Variants in PHIP observed in about 807,000 individuals in gnomAD.
PHIP encodes the protein PH-interacting protein.
In PHIP, 54 loss-of-function variants were observed where a neutral mutation model predicts 236.8. The observed-to-expected ratio is 0.23, with a 90% CI of 0.18 to 0.29. The LOEUF (loss-of-function observed/expected upper bound fraction) is 0.29. PHIP is among the 10% of genes least tolerant of loss of function. The pLI, the probability that PHIP is intolerant of heterozygous loss-of-function variation, is 1.00. For synonymous variants in PHIP, 756 were observed against 718.9 expected, an observed-to-expected ratio of 1.05 and a Z score of -0.83; for missense variants, 1,370 against 2,190.8, an observed-to-expected ratio of 0.63 and a Z score of 7.48.
intron 7 of PHIP, among the ~76,000 whole-genome samples, chr6:79,036,985 T>C (rs1052104326): frequency 2.1e-5 from 3 of 143,250 alleles, no homozygotes. Flanking sequence ...CCTCTAAATA[T>C]CGCAGTGTAT....
chr6:78,949,685 A>C (rs1277774498), intron 35 of PHIP, among the ~76,000 whole-genome samples: 6 of 147,608 alleles, frequency 4.1e-5, no homozygotes, highest in Non-Finnish European at 6.0e-5. Context: ...ACTCTTTTTT[A>C]CTTTTTTTTT....
At chr6:79,057,111 TTTTAAG>T (rs2127769829) in intron 6 of PHIP, among the ~76,000 whole-genome samples, 1 of 152,242 alleles carries the variant, frequency 6.6e-6, no homozygotes, top group Admixed American at 6.5e-5. Context: ...TTTTAGGTAT[TTTTAAG>T]TTTGAGATGA....
At chr6:79,063,129 T>C (rs1773461671) in intron 4 of PHIP, among the ~76,000 whole-genome samples, 1 of 152,220 alleles carries the variant, frequency 6.6e-6, no homozygotes, top group Non-Finnish European at 1.5e-5. Context: ...TGGGGGTTCA[T>C]AAGACTCATG....
chr6:78,989,085 T>C (rs1253642188), intron 20 of PHIP, among the ~76,000 whole-genome samples: 3 of 118,244 alleles, frequency 2.5e-5, no homozygotes, highest in Non-Finnish European at 3.9e-5. Flanking sequence ...AATTTATACC[T>C]AAAAAACACA....
Position 78,989,245 on chromosome 6 carries a change from G to A in PHIP, c.2320-896C>T, listed in dbSNP as rs148432745. ...CTGGCCAGGGCAATGGCAATACCCT[G>A]TCTCTACAAAGTTAAAAAATAAAAT... On this transcript the variant is annotated intron_variant, in intron 20 of 39. Coordinates refer to ENST00000275034, the MANE Select transcript of PHIP (RefSeq NM_017934.7). Among the ~76,000 whole-genome samples, 424 of 152,142 alleles carry A rather than the reference G, an allele frequency of 2.8e-3. 2 individuals are homozygous for A. The highest frequency in any genetic ancestry group is 1.0e-2 in the African/African-American group (414 of 41,512).
At chr6:79,059,976 G>A (rs1336385984) in intron 6 of PHIP, among the ~76,000 whole-genome samples, 2 of 151,970 alleles carry the variant, frequency 1.3e-5, no homozygotes, top group Non-Finnish European at 2.9e-5. Flanking sequence ...GATTAGTTTG[G>A]ATGATGCTGT....
At chr6:79,001,006 GTTGA>G (rs1166179906) in intron 17 of PHIP, among the ~76,000 whole-genome samples, 1 of 151,988 alleles carries the variant, frequency 6.6e-6, no homozygotes, top group Non-Finnish European at 1.5e-5. Context: ...CACGTTTGAG[GTTGA>G]TTTTTTCTGT....
intron 15 of PHIP, among the ~76,000 whole-genome samples, chr6:79,004,925 AAG>A: frequency 6.6e-6 from 1 of 152,176 alleles, no homozygotes; most frequent in Admixed American, 6.5e-5. Flanking sequence ...TTTTGGTAAA[AAG>A]AGAAAATATT....
At chr6:79,042,185 A>G (rs756823733) in intron 7 of PHIP, among the ~76,000 whole-genome samples, 9 of 152,062 alleles carry the variant, frequency 5.9e-5, no homozygotes, top group Non-Finnish European at 1.0e-4. Context: ...TGAAAATCAA[A>G]TATTTCCAAA....
At chr6:78,962,188 G>A (rs1057336599) in intron 30 of PHIP, among the ~76,000 whole-genome samples, 2 of 152,024 alleles carry the variant, frequency 1.3e-5, no homozygotes, top group Admixed American at 1.3e-4. Context: ...TCTAACCTTT[G>A]ACTTTCTCAA....
chr6:79,026,048 C>A lies in PHIP; in HGVS notation c.717G>T (p.Met239Ile), dbSNP rs762492471. Residue 239 changes from methionine to isoleucine, a missense_variant, in exon 8 of 40, where the codon ATG becomes ATT. Transcript: ENST00000275034. ...SDMAVNYENT[M>I]IAAGSCDKMI... ...TTTTATCACAACTTCCAGCTGCTATCATGGTATTCTCATAGTTTACAGCCA... is the reference window on the plus strand; with the variant it reads ...TTTTATCACAACTTCCAGCTGCTATAATGGTATTCTCATAGTTTACAGCCA... The A allele has an allele frequency of 6.2e-7, 1 of 1,613,896 alleles. No homozygotes were observed. Among genetic ancestry groups the A allele is most frequent in the African/African-American group, 1.3e-5 (1 of 74,908 alleles).
chr6:78,981,550 T>C (rs996620497), intron 23 of PHIP, among the ~76,000 whole-genome samples: 3 of 151,980 alleles, frequency 2.0e-5, no homozygotes, highest in Non-Finnish European at 4.4e-5. Context: ...TAGATCTATA[T>C]GTGCCAGTGC....
At chr6:78,952,020 T>C (rs1332877690) in intron 35 of PHIP, among the ~76,000 whole-genome samples, 6 of 152,244 alleles carry the variant, frequency 3.9e-5, no homozygotes, top group Non-Finnish European at 5.9e-5. Context: ...TATTTTCTTT[T>C]TGACTTTCAA....
intron 23 of PHIP, among the ~76,000 whole-genome samples, chr6:78,979,322 G>A (rs1582158088): frequency 6.6e-6 from 1 of 151,988 alleles, no homozygotes; most frequent in Non-Finnish European, 1.5e-5. Flanking sequence ...AAGGTAACAA[G>A]ATATCCCCAC....
intron 6 of PHIP, among the ~76,000 whole-genome samples, chr6:79,053,078 G>T (rs1054667626): frequency 5.9e-5 from 9 of 152,086 alleles, no homozygotes; most frequent in South Asian, 2.1e-4. Context: ...AGCACTTTGG[G>T]AGACCGAGGT....
At chr6:78,980,072 G>A (rs1028177986) in intron 23 of PHIP, among the ~76,000 whole-genome samples, 4 of 151,928 alleles carry the variant, frequency 2.6e-5, no homozygotes, top group South Asian at 2.1e-4. Context: ...AGCATAGTAC[G>A]ATCTCACTTA....
chr6:78,935,674 A>T lies in PHIP; in HGVS notation c.*5019T>A. 5.1e-6 allele frequency: 5 copies of T among 984,362 alleles called. No homozygotes were observed. The highest frequency in any genetic ancestry group is 6.0e-6 in the Non-Finnish European group (5 of 828,966). 61.0% of individuals were successfully genotyped at this position (984,362 alleles called of 1,614,324 possible). On this transcript the variant is annotated 3_prime_UTR_variant, in exon 40 of 40. Coordinates refer to ENST00000275034, the MANE Select transcript of PHIP (RefSeq NM_017934.7). The stretch of plus-strand genomic sequence containing the variant: ...TTAAATTACATTTCGGCACCCAAAT[A>T]TCTTTTAACTGACAGTTTTCACACT...
rs532250390 is a variant in PHIP, at chr6:78,971,956, C to T, written c.2890-1068G>A. On this transcript the variant is annotated intron_variant, in intron 24 of 39. Transcript: ENST00000275034. ...GGCGGCAGCGAGGCTGGGGGAGGGG[C>T]GCCCACCATTGCCCAGGCTTGCTTA... Among the ~76,000 whole-genome samples, 6 of 152,126 alleles carry T rather than the reference C, an allele frequency of 3.9e-5. No homozygotes were observed. The South Asian group carries it at 6.2e-4, about 16-fold the overall frequency.
chr6:79,033,295 T>C (rs955505473), intron 7 of PHIP, among the ~76,000 whole-genome samples: 2 of 152,234 alleles, frequency 1.3e-5, no homozygotes, highest in African/African-American at 2.4e-5. Flanking sequence ...GCCTGCTTTT[T>C]GAAGCTTTGA....
Sources: gnomAD v4.1 joint callset for allele counts (sites outside exome capture counted in the v4.1 genomes callset) on GRCh38, gnomAD v4.1.1 for gene constraint, MANE v1.5 for transcripts, NCBI Gene and HGNC (gene_info 2026-07-23, HGNC 2026-07-21) for gene names.